PWWP2A: variants seen among roughly 807,000 people sequenced by gnomAD.
The protein encoded by PWWP2A is PWWP domain containing 2A.
Under a neutral mutation model 48.5 loss-of-function variants are expected in PWWP2A, and 18 were observed. The ratio of observed to expected loss-of-function variants is 0.37; its 90% CI spans 0.26 to 0.55. The LOEUF is 0.55. Ranked by LOEUF, PWWP2A falls within the 20% of genes least tolerant of loss-of-function variation. The probability of loss-of-function intolerance (pLI) is 0.81; values close to 1 mark genes in which losing one functional copy is unlikely to be tolerated. For synonymous variants in PWWP2A, 396 were observed against 387.7 expected (o/e 1.02, Z -0.25); for missense variants, 867 against 976.4 (o/e 0.89, Z 1.49).
At chr5:160,112,445 C>A (rs1407898186) in intron 1 of PWWP2A, among the ~76,000 whole-genome samples, 1 of 152,092 alleles carries the variant, frequency 6.6e-6, no homozygotes, top group African/African-American at 2.4e-5. Context: ...TGGTCTTGAA[C>A]TCCTGACCTT....
At chr5:160,104,431 T>TAA (rs36095044) in intron 1 of PWWP2A, among the ~76,000 whole-genome samples, 1 of 141,784 alleles carries the variant, frequency 7.1e-6, no homozygotes, top group Admixed American at 7.1e-5. Context: ...ACCTTGCCTC[T>TAA]AAAAAAAAAA....
At chr5:160,062,921 T>C (rs1247164060) in intron 5 of PWWP2A, among the ~76,000 whole-genome samples, 1 of 151,918 alleles carries the variant, frequency 6.6e-6, no homozygotes, top group Non-Finnish European at 1.5e-5. Context: ...TTTCTCTTGC[T>C]TGTTGTGAGC....
chr5:160,115,102 T>C (rs1757979223), intron 1 of PWWP2A, among the ~76,000 whole-genome samples: 1 of 131,194 alleles, frequency 7.6e-6, no homozygotes, highest in African/African-American at 3.0e-5. Context: ...ATCATGTCAC[T>C]GTACTCCAGC....
chr5:160,119,206 A>C lies in PWWP2A; in HGVS notation c.183T>G (p.Pro61=). The C allele has an allele frequency of 1.4e-6, 2 of 1,451,804 alleles. No homozygotes were observed. Among genetic ancestry groups the C allele is most frequent in the Non-Finnish European group, 1.8e-6 (2 of 1,116,384 alleles). The allele number at this position is 1,451,804 out of a possible 1,614,324, so 89.9% of individuals were successfully genotyped here. ...DGETDGQQSA[P]QADEPPLPPP... is the part of the protein sequence containing the mutation. ...GCGGGAGCGGCGGCTCGTCGGCCTGAGGAGCGGATTGCTGCCCGTCAGTCT... is the reference window on the plus strand; with the variant it reads ...GCGGGAGCGGCGGCTCGTCGGCCTGCGGAGCGGATTGCTGCCCGTCAGTCT... Residue 61 remains proline, a synonymous_variant, in exon 1 of 2, where the codon CCT becomes CCG. Coordinates refer to ENST00000307063, the MANE Select transcript of PWWP2A (RefSeq NM_001130864.2).
chr5:160,076,756 AC>A (rs1561650413), exon 4 of PWWP2A: 4 of 152,222 alleles, frequency 2.6e-5, no homozygotes, highest in Non-Finnish European at 4.4e-5. Flanking sequence ...TTCCAAACTT[AC>A]ACAGTAACAT....
exon 4 of PWWP2A, chr5:160,076,994 T>A (rs1275705451): frequency 6.6e-6 from 1 of 152,176 alleles, no homozygotes; most frequent in Non-Finnish European, 1.5e-5. Context: ...CTTAAAAATG[T>A]AGTACTAACA....
intron 1 of PWWP2A, among the ~76,000 whole-genome samples, chr5:160,100,656 C>T (rs1301258700): frequency 6.6e-6 from 1 of 152,062 alleles, no homozygotes; most frequent in East Asian, 1.9e-4. Flanking sequence ...TTATTTTGAG[C>T]CAATGATTTT....
chr5:160,118,928 G>A lies in PWWP2A; in HGVS notation c.461C>T (p.Ser154Leu), dbSNP rs763910629. The A allele has an allele frequency of 7.5e-6, 12 of 1,600,264 alleles. No homozygotes were observed. The South Asian group carries it at 7.8e-5, about 10-fold the overall frequency. Residue 154 changes from serine (S) to leucine (L), a missense_variant, in exon 1 of 2, where the codon TCG becomes TTG. Physicochemically the swap from Ser to Leu is moderately radical, Grantham distance 145 (BLOSUM62 -2). Coordinates refer to ENST00000307063, the MANE Select transcript of PWWP2A (RefSeq NM_001130864.2). ...CACCTCCGAGCCCGGGATCAGTTGC[G>A]ACACCGTGGAGTCCCCGCCCGCCGG... ...VPPAGGDSTV[S>L]QLIPGSEVRV...
At chr5:160,049,565 T>A in the PWWP2A span, 2 of 1,611,136 alleles carry the variant, frequency 1.2e-6, no homozygotes, top group East Asian at 2.2e-5. Context: ...AGAGCAGAGT[T>A]GTATGAGAAG....
intron 1 of PWWP2A, among the ~76,000 whole-genome samples, chr5:160,100,756 T>C (rs1056000589): frequency 6.6e-6 from 1 of 152,242 alleles, no homozygotes; most frequent in African/African-American, 2.4e-5. Flanking sequence ...ATTTCATCTC[T>C]TTGTGAGACT....
intron 1 of PWWP2A, among the ~76,000 whole-genome samples, chr5:160,109,794 T>TATATATATATATATAAAATAATATAATA (rs1270520018): frequency 1.6e-5 from 2 of 126,400 alleles, no homozygotes; most frequent in Non-Finnish European, 3.3e-5. Flanking sequence ...TATATATATA[T>TATATATATATATATAAAATAATATAATA]ATATATATAT....
At chr5:160,088,600 A>C (rs895433932), downstream of PWWP2A, among the ~76,000 whole-genome samples, 1 of 152,196 alleles carries the variant, frequency 6.6e-6, no homozygotes. Context: ...TATAAGAAGA[A>C]TACCAAAACA....
At chr5:160,075,492 G>T (rs1753847877), downstream of PWWP2A, among the ~76,000 whole-genome samples, 1 of 152,080 alleles carries the variant, frequency 6.6e-6, no homozygotes, top group African/African-American at 2.4e-5. Flanking sequence ...CACTCAATGT[G>T]CTGGGCTCTT....
In PWWP2A at chr5:160,107,552, TAACTC is replaced by T. The variant is rs528680224; in HGVS notation, c.584+11248_584+11252del. Reference sequence around the variant, plus strand: ...CTTTCATTTTTTATCAATATGAAATTAACTCAGCCATTACAGTGAAGATAAGCACA... The same window carrying T: ...CTTTCATTTTTTATCAATATGAAATTAGCCATTACAGTGAAGATAAGCACA... On this transcript the variant is annotated intron_variant, in intron 1 of 1. Transcript: ENST00000307063. Among the ~76,000 whole-genome samples, 463 of 152,306 alleles carry T rather than the reference TAACTC, an allele frequency of 3.0e-3. 4 individuals carry two copies. The highest frequency in any genetic ancestry group is 0.011 in the African/African-American group (450 of 41,560).
At chr5:160,111,315 A>G (rs1211426767) in intron 1 of PWWP2A, among the ~76,000 whole-genome samples, 1 of 152,072 alleles carries the variant, frequency 6.6e-6, no homozygotes, top group Non-Finnish European at 1.5e-5. Flanking sequence ...TTACAGGCAC[A>G]TGCCACTACG....
the PWWP2A span, among the ~76,000 whole-genome samples, chr5:160,053,408 A>T: frequency 1.3e-5 from 2 of 150,654 alleles, no homozygotes; most frequent in Non-Finnish European, 2.9e-5. Flanking sequence ...TCCTGTCACT[A>T]AAAAAATTAG....
chr5:160,076,233 T>C (rs184405268), exon 4 of PWWP2A: 1 of 152,318 alleles, frequency 6.6e-6, no homozygotes, highest in Admixed American at 6.5e-5. Context: ...CCAATTCTTT[T>C]GCTTTATATT....
In PWWP2A at chr5:160,078,235, G is replaced by A; in HGVS notation, c.1670-67C>T. The A allele has an allele frequency of 7.7e-7, 1 of 1,290,636 alleles. No individual in the cohort carries two copies. Among genetic ancestry groups the A allele is most frequent in the Non-Finnish European group, 1.1e-6 (1 of 910,594 alleles). The allele number at this position is 1,290,636 out of a possible 1,614,324, so 79.9% of individuals were successfully genotyped here. A position where few individuals can be genotyped will look rare whatever the true frequency, so the allele number is the denominator to read the frequency against. On this transcript the variant is annotated intron_variant, in intron 3 of 3. Coordinates refer to the PWWP2A transcript ENST00000456329. This position sits in a 1 kb window ranked among gnomAD's most constrained non-coding sequence, Gnocchi z 4.2. ...CAAGTAATTATATGAGGAAAATGAT[G>A]TCCTTGTTGTTTAAGCCCTACATAG...
chr5:160,079,717 A>C (rs1419101536), intron 3 of PWWP2A, among the ~76,000 whole-genome samples: 1 of 152,242 alleles, frequency 6.6e-6, no homozygotes, highest in African/African-American at 2.4e-5. Flanking sequence ...AGGAAAGGCA[A>C]GGACTCAAAC....
Sources: allele counts gnomAD v4.1 joint callset (sites outside exome capture counted in the v4.1 genomes callset), GRCh38; gene constraint gnomAD v4.1.1; non-coding constraint Gnocchi (gnomAD v3.1); transcripts MANE v1.5; gene names NCBI Gene and HGNC (gene_info 2026-07-23, HGNC 2026-07-21).